PDXDC1: variants seen among roughly 807,000 people sequenced by gnomAD.
PDXDC1 encodes the protein pyridoxal dependent decarboxylase domain containing 1.
A neutral mutation model predicts 100.1 loss-of-function variants in PDXDC1; 42 were observed. That is an observed-to-expected ratio of 0.42 (90% CI 0.33 to 0.54). The LOEUF is 0.54. PDXDC1 is among the 20% of genes least tolerant of loss of function. PDXDC1 has a pLI of 0.10. For synonymous variants in PDXDC1, 260 were observed against 371.7 expected (o/e 0.70, Z 3.46); for missense variants, 636 against 979.2 (o/e 0.65, Z 4.68).
intron 16 of PDXDC1, chr16:15,127,576 A>T: frequency 7.5e-7 from 1 of 1,339,726 alleles, no homozygotes; most frequent in Non-Finnish European, 1.0e-6. Flanking sequence ...CAGCGGGCTC[A>T]GCCTGGACAC....
intron 6 of PDXDC1, among the ~76,000 whole-genome samples, chr16:15,007,157 CTTTTTTTTTTTTTTTT>C (rs56256230): frequency 1.8e-4 from 13 of 73,958 alleles, no homozygotes; most frequent in East Asian, 1.5e-3. Flanking sequence ...AAGAGCATGA[CTTTTTTTTTTTTTTTT>C]TTTTTTTTTT....
intron 16 of PDXDC1, chr16:15,132,702 G>A: frequency 1.1e-6 from 1 of 872,706 alleles, no homozygotes; most frequent in Non-Finnish European, 1.9e-6. Flanking sequence ...GGCGGGGTGA[G>A]CATGTGGGGC....
chr16:14,991,798 C>T (rs1460098442), intron 1 of PDXDC1, among the ~76,000 whole-genome samples: 1 of 152,276 alleles, frequency 6.6e-6, no homozygotes, highest in African/African-American at 2.4e-5. Flanking sequence ...GCTGGGATTA[C>T]AGGCATGAGC....
At chr16:15,061,799 G>A in intron 16 of PDXDC1, 2 of 1,614,152 alleles carry the variant, frequency 1.2e-6, no homozygotes, top group Non-Finnish European at 1.7e-6. Flanking sequence ...ACTACTTGAA[G>A]GACTTCGGAA....
chr16:15,131,709 T>C (rs1020010598), intron 16 of PDXDC1: 5 of 1,443,072 alleles, frequency 3.5e-6, no homozygotes, highest in Non-Finnish European at 4.6e-6. Context: ...TGAGGTCTCC[T>C]GCAGACAGAC....
rs564253733 is a variant in PDXDC1 at position 15,125,495 on chromosome 16, G to C, written c.1400-13384G>C. ...AGGACACGCAGCCCGCACACCCCCG[G>C]TACTCCAGACACAGTGACCTGCACC... On this transcript the variant is annotated intron_variant, in intron 16 of 16. Transcript: ENST00000535621. The C allele has an allele frequency of 2.2e-4, 282 of 1,267,826 alleles. 1 individual carries two copies. In the African/African-American group the frequency reaches 3.9e-3, roughly 18 times the overall value. The allele number at this position is 1,267,826 out of a possible 1,614,324, so 78.5% of individuals were successfully genotyped here. A position where few individuals can be genotyped will look rare whatever the true frequency, so the allele number is the denominator to read the frequency against.
chr16:15,034,091 C>T (rs948303746), intron 19 of PDXDC1, 195 bp from the exon 20 acceptor site: 6 of 594,656 alleles, frequency 1.0e-5, no homozygotes, highest in African/African-American at 5.6e-5. Context: ...GGCTGGTCAC[C>T]AAGGTGTGTC....
chr16:15,076,675 G>A, intron 16 of PDXDC1: 1 of 1,453,206 alleles, frequency 6.9e-7, no homozygotes, highest in African/African-American at 1.4e-5. Flanking sequence ...GAAAAAAAAA[G>A]AATAAAAGGA....
chr16:15,123,936 T>C (rs974721611), intron 16 of PDXDC1, among the ~76,000 whole-genome samples: 11 of 149,506 alleles, frequency 7.4e-5, no homozygotes, highest in African/African-American at 2.5e-4. Flanking sequence ...CTAACCCACC[T>C]AGACATTTTA....
At chr16:15,131,544 T>G (rs1232580188) in intron 16 of PDXDC1, 4 of 1,608,278 alleles carry the variant, frequency 2.5e-6, no homozygotes, top group Non-Finnish European at 3.4e-6. Flanking sequence ...CGCCCGCCAG[T>G]GTCAGGGGCT....
At chr16:15,046,019 C>G (rs2044045346) in intron 16 of PDXDC1, 1 of 152,276 alleles carries the variant, frequency 6.6e-6, no homozygotes, top group African/African-American at 2.4e-5. Flanking sequence ...GATCACAGTT[C>G]TACAACAGAT....
chr16:15,111,154 AC>A (rs1216775544), intron 16 of PDXDC1, among the ~76,000 whole-genome samples: 2 of 145,792 alleles, frequency 1.4e-5, no homozygotes, highest in South Asian at 2.2e-4. Flanking sequence ...ACACACACAC[AC>A]AAAACACACA....
chr16:15,020,704 C>G (rs1458144839), intron 12 of PDXDC1, among the ~76,000 whole-genome samples: 6 of 152,240 alleles, frequency 3.9e-5, no homozygotes, highest in Non-Finnish European at 7.3e-5. Context: ...GAAAAATAGG[C>G]CGGGCGTGGT....
chr16:15,072,129 A>T (rs1019010121), intron 16 of PDXDC1, among the ~76,000 whole-genome samples: 1 of 151,992 alleles, frequency 6.6e-6, no homozygotes, highest in Non-Finnish European at 1.5e-5. Context: ...AGCTAGGCAC[A>T]CCCATGTGGG....
chr16:15,143,932 C>T (rs1003701839), downstream of PDXDC1, among the ~76,000 whole-genome samples: 2 of 152,188 alleles, frequency 1.3e-5, no homozygotes, highest in East Asian at 1.9e-4. Flanking sequence ...GTGCCAGGCC[C>T]GGCACCCCTG....
At chr16:15,134,061 C>T (rs567475265) in intron 16 of PDXDC1, 22 of 1,572,208 alleles carry the variant, frequency 1.4e-5, no homozygotes, top group African/African-American at 9.4e-5. Context: ...GCTGAACGTA[C>T]GTGCAGCCCA....
intron 16 of PDXDC1, chr16:15,047,558 AC>A (rs776866976): frequency 2.5e-6 from 4 of 1,600,034 alleles, no homozygotes; most frequent in Non-Finnish European, 3.4e-6. Flanking sequence ...TACCTGAAGA[AC>A]AAGGGTGAAA....
intron 8 of PDXDC1, 160 bp from the exon 9 acceptor site, chr16:15,015,969 C>G (rs151175081): frequency 0.025 from 34,062 of 1,376,380 alleles, 207 homozygotes; most frequent in Middle Eastern, 0.058. Flanking sequence ...AGTCAACTCA[C>G]AAACACTGAT....
intron 1 of PDXDC1, among the ~76,000 whole-genome samples, chr16:14,975,844 G>T (rs1966750410): frequency 6.6e-6 from 1 of 152,296 alleles, no homozygotes; most frequent in Non-Finnish European, 1.5e-5. Flanking sequence ...CTGATGCTGA[G>T]CCTGCGATCA....
Sources: allele counts gnomAD v4.1 joint callset (sites outside exome capture counted in the v4.1 genomes callset), GRCh38; gene constraint gnomAD v4.1.1; transcripts MANE v1.5; gene names NCBI Gene and HGNC (gene_info 2026-07-23, HGNC 2026-07-21).